The following KCNIP1 variants were observed in gnomAD, a reference collection of about 807,000 sequenced individuals.
The protein encoded by KCNIP1 is A-type potassium channel modulatory protein KCNIP1.
A neutral mutation model predicts 33.0 loss-of-function variants in KCNIP1; 18 were observed. The ratio of observed to expected loss-of-function variants is 0.55; its 90% CI spans 0.38 to 0.81. KCNIP1 has a LOEUF of 0.81. Among genes scored for constraint, KCNIP1 ranks in the 30% least tolerant of loss-of-function variants. The probability of loss-of-function intolerance (pLI) is 0.00; values close to 1 mark genes in which losing one functional copy is unlikely to be tolerated. For synonymous variants in KCNIP1, 93 were observed against 98.3 expected (o/e 0.95, Z 0.32); for missense variants, 238 against 271.6 (o/e 0.88, Z 0.87).
chr5:170,361,874 A>G (rs1168450018), intron 1 of KCNIP1, among the ~76,000 whole-genome samples: 1 of 152,076 alleles, frequency 6.6e-6, no homozygotes. Flanking sequence ...TTCAAATACC[A>G]TCACCTCAGG....
At chr5:170,513,755 A>G (rs10475944) in intron 1 of KCNIP1, among the ~76,000 whole-genome samples, 19,333 of 152,216 alleles carry the variant, frequency 0.13, 1,631 homozygotes, top group African/African-American at 0.24. Flanking sequence ...TGGTTTACAT[A>G]CAGAGCCTTT....
chr5:170,607,998 TA>T (rs1284429413), intron 1 of KCNIP1, among the ~76,000 whole-genome samples: 2 of 152,164 alleles, frequency 1.3e-5, no homozygotes, highest in Non-Finnish European at 2.9e-5. Context: ...TGAGTGGGTT[TA>T]AAACAATAGA....
At chr5:170,613,969 A>G (rs543220161) in intron 1 of KCNIP1, among the ~76,000 whole-genome samples, 2 of 152,262 alleles carry the variant, frequency 1.3e-5, no homozygotes, top group African/African-American at 4.8e-5. Flanking sequence ...TCAACAAGAG[A>G]TGGCCCCAGC....
At chr5:170,360,797 CCTAGAG>C (rs1221399601) in intron 1 of KCNIP1, among the ~76,000 whole-genome samples, 3 of 152,246 alleles carry the variant, frequency 2.0e-5, no homozygotes, top group Admixed American at 6.5e-5. Flanking sequence ...GTGGGAATCA[CCTAGAG>C]TGAGTGCCTC....
chr5:170,722,910 T>A, intron 5 of KCNIP1, 90 bp downstream of exon 5: 1 of 780,262 alleles, frequency 1.3e-6, no homozygotes, highest in South Asian at 1.6e-5. Context: ...GATAGCACTG[T>A]CTGAATGAGG....
intron 1 of KCNIP1, among the ~76,000 whole-genome samples, chr5:170,646,635 A>G (rs899505134): frequency 7.9e-5 from 12 of 152,172 alleles, no homozygotes; most frequent in African/African-American, 2.7e-4. Context: ...AGCTAACATC[A>G]TACTTAATGG....
chr5:170,734,783 C>G (rs1412840035), intron 7 of KCNIP1, among the ~76,000 whole-genome samples: 1 of 152,200 alleles, frequency 6.6e-6, no homozygotes, highest in East Asian at 1.9e-4. Flanking sequence ...TCACAGCCAC[C>G]CTGTTATGTA....
chr5:170,458,760 C>T (rs1425963063), intron 1 of KCNIP1, among the ~76,000 whole-genome samples: 1 of 152,154 alleles, frequency 6.6e-6, no homozygotes, highest in Admixed American at 6.5e-5. Context: ...AGGCATAAAT[C>T]TCACAGAAAC....
At chr5:170,577,996 C>T (rs1757662334) in intron 1 of KCNIP1, among the ~76,000 whole-genome samples, 1 of 152,190 alleles carries the variant, frequency 6.6e-6, no homozygotes, top group Non-Finnish European at 1.5e-5. Flanking sequence ...TTGAACTACC[C>T]TGACTACCAC....
intron 1 of KCNIP1, among the ~76,000 whole-genome samples, chr5:170,439,965 A>G (rs909964539): frequency 1.3e-5 from 2 of 152,212 alleles, no homozygotes; most frequent in Non-Finnish European, 2.9e-5. Context: ...GTCTTCCCCA[A>G]ACTCACGTGC....
intron 1 of KCNIP1, among the ~76,000 whole-genome samples, chr5:170,598,607 G>A (rs989874512): frequency 6.6e-6 from 1 of 152,154 alleles, no homozygotes; most frequent in African/African-American, 2.4e-5. Flanking sequence ...AGAGGCTCAG[G>A]AAACTTTTAT....
At chr5:170,492,260 A>G (rs1003895500) in intron 1 of KCNIP1, among the ~76,000 whole-genome samples, 7 of 152,230 alleles carry the variant, frequency 4.6e-5, no homozygotes, top group Non-Finnish European at 1.0e-4. Context: ...CACAGAACTC[A>G]GGAACACACT....
chr5:170,362,903 G>A (rs909720434), intron 1 of KCNIP1, among the ~76,000 whole-genome samples: 4 of 152,160 alleles, frequency 2.6e-5, no homozygotes, highest in Admixed American at 6.5e-5. Flanking sequence ...GCTATCACCC[G>A]GAGCCTGGGA....
At chr5:170,513,480 G>A (rs1755016607) in intron 1 of KCNIP1, among the ~76,000 whole-genome samples, 1 of 152,188 alleles carries the variant, frequency 6.6e-6, no homozygotes. Flanking sequence ...CGCCCATTAA[G>A]TTTTAGTTTA....
In KCNIP1 at chr5:170,665,344, T is replaced by C. The variant is rs762552359; in HGVS notation, c.62-53414T>C. ...TACAGAAATCTGGATTTTTTTTTTC[T>C]GGAAAAAAAGTCAAAGAGTCACTGG... On this transcript the variant is annotated intron_variant, in intron 1 of 7. Coordinates refer to ENST00000328939, the MANE Select transcript of KCNIP1 (RefSeq NM_014592.4). Among the ~76,000 whole-genome samples the C allele has an allele frequency of 3.3e-5, 5 of 150,670 alleles. No homozygotes were observed. The South Asian group carries it at 6.3e-4, about 19-fold the overall frequency.
Position 170,412,334 on chromosome 5 carries a change from G to T in KCNIP1, c.88+58370G>T, listed in dbSNP as rs6886009. On this transcript the variant is annotated intron_variant, in intron 1 of 7. Transcript: ENST00000377360. ...ATGGGAGAAGCCTTGGGTGACAGAA[G>T]GAGGAAGCCTTGAATGTGAGTCCAA... 1.0e-3 allele frequency among the ~76,000 whole-genome samples: 153 copies of T among 152,104 alleles called. 3 individuals carry two copies. In the South Asian group the frequency reaches 0.029, roughly 29 times the overall value.
At chr5:170,527,972 A>G (rs537386077) in intron 1 of KCNIP1, among the ~76,000 whole-genome samples, 4 of 151,844 alleles carry the variant, frequency 2.6e-5, no homozygotes, top group Non-Finnish European at 1.5e-5. Flanking sequence ...GGGTCATGTT[A>G]TTTTTCGATT....
At chr5:170,664,264 T>C (rs535073223) in intron 1 of KCNIP1, among the ~76,000 whole-genome samples, 1 of 152,332 alleles carries the variant, frequency 6.6e-6, no homozygotes, top group South Asian at 2.1e-4. Context: ...TTCTGGCACA[T>C]GTCTGCTCTA....
chr5:170,593,232 C>A (rs1284378371), intron 1 of KCNIP1, among the ~76,000 whole-genome samples: 4 of 152,160 alleles, frequency 2.6e-5, no homozygotes, highest in Admixed American at 1.3e-4. Flanking sequence ...GTGGGAGAGA[C>A]AACAGAGACA....
Sources: allele counts gnomAD v4.1 joint callset (sites outside exome capture counted in the v4.1 genomes callset), GRCh38; gene constraint gnomAD v4.1.1; transcripts MANE v1.5; gene names NCBI Gene and HGNC (gene_info 2026-07-23, HGNC 2026-07-21).